Variants in SIN3B observed in about 807,000 individuals in gnomAD.
SIN3B encodes SIN3 transcription regulator family member B.
SIN3B carries 19 observed loss-of-function variants against 120.2 expected under a neutral mutation model. The ratio of observed to expected loss-of-function variants is 0.16; its 90% CI spans 0.11 to 0.23. The LOEUF is 0.23. Among genes scored for constraint, SIN3B ranks in the 10% least tolerant of loss-of-function variants. The pLI, the probability that SIN3B is intolerant of heterozygous loss-of-function variation, is 1.00. For missense variants in SIN3B, 1,073 were observed against 1,573.0 expected, an observed-to-expected ratio of 0.68 and a Z score of 5.38; for synonymous variants, 654 against 653.2, an observed-to-expected ratio of 1.00 and a Z score of -0.02.
rs765485074 is a variant in SIN3B at position 16,876,978 on chromosome 19, C to T, written c.2859+400C>T. The T allele has an allele frequency of 1.1e-4, 23 of 200,816 alleles. No homozygotes were observed. Among genetic ancestry groups the T allele is most frequent in the East Asian group, 1.3e-4 (1 of 7,464 alleles). The allele number at this position is 200,816 out of a possible 1,614,324, so 12.4% of individuals were successfully genotyped here. ...GCCCAGCTCCCAGTCACAATTTTTG[C>T]GGGGACAGATGTTTCCTGCTCACCT... On this transcript the variant is annotated intron_variant, in intron 16 of 18. Transcript: ENST00000248054. The surrounding 1 kb of genome is among the most constrained non-coding windows in gnomAD (Gnocchi z 7.1).
At chr19:16,853,215 A>G (rs1217184862) in intron 7 of SIN3B, 57 bp downstream of exon 7, 41 of 1,506,176 alleles carry the variant, frequency 2.7e-5, no homozygotes, top group Admixed American at 1.7e-4. Flanking sequence ...GGCTGGGCCA[A>G]TGCTCCCTGG....
intron 12 of SIN3B, among the ~76,000 whole-genome samples, chr19:16,868,123 C>A (rs995073158): frequency 2.0e-5 from 3 of 152,136 alleles, no homozygotes; most frequent in Admixed American, 1.3e-4. Context: ...ACATGGGGAC[C>A]CTGCTTCAGA....
intron 8 of SIN3B, 126 bp downstream of exon 8, chr19:16,854,387 G>A (rs987263307): frequency 1.3e-4 from 81 of 638,084 alleles, no homozygotes; most frequent in African/African-American, 1.0e-3. Context: ...ATTAATTGAC[G>A]TGATTGATAT....
intron 14 of SIN3B, among the ~76,000 whole-genome samples, chr19:16,873,497 G>A (rs925746975): frequency 7.3e-5 from 11 of 151,126 alleles, no homozygotes; most frequent in Non-Finnish European, 1.0e-4. Context: ...CGCAGGGGAC[G>A]CCAGGGGGCT....
At chr19:16,858,168 C>T (rs543774705) in intron 8 of SIN3B, among the ~76,000 whole-genome samples, 43 of 152,250 alleles carry the variant, frequency 2.8e-4, no homozygotes, top group African/African-American at 8.7e-4. Context: ...TGAGCCACGG[C>T]GCCCAGGCCC....
chr19:16,876,655 A>G lies in SIN3B; in HGVS notation c.2859+77A>G. The G allele has an allele frequency of 8.5e-7, 1 of 1,175,072 alleles. No homozygotes were observed. The highest frequency in any genetic ancestry group is 1.2e-6 in the Non-Finnish European group (1 of 801,354). The allele number at this position is 1,175,072 out of a possible 1,614,324, so 72.8% of individuals were successfully genotyped here. A position where few individuals can be genotyped will look rare whatever the true frequency, so the allele number is the denominator to read the frequency against. Reference sequence around the variant, plus strand: ...CAGCAGCATGGGGCTCCCACCAGCCAAGCGCAGGCCGCGCAGCATCCAGAG... The same window carrying G: ...CAGCAGCATGGGGCTCCCACCAGCCGAGCGCAGGCCGCGCAGCATCCAGAG... On this transcript the variant is annotated intron_variant, in intron 16 of 18. Transcript: ENST00000248054. This position sits in a 1 kb window ranked among gnomAD's most constrained non-coding sequence, Gnocchi z 7.1.
rs1212319094 is a variant in SIN3B, at chr19:16,863,731, T to G, written c.1318T>G (p.Phe440Val). 7 of 1,614,096 alleles carry G rather than the reference T, an allele frequency of 4.3e-6. No homozygotes were observed. The highest frequency in any genetic ancestry group is 5.1e-6 in the Non-Finnish European group (6 of 1,180,038). The change falls in exon 10 of 19, where the codon TTC becomes GTC. Residue 440 changes from phenylalanine (F) to valine (V), a missense_variant. By Grantham distance (50) the Phe-to-Val change is conservative. Transcript: ENST00000248054. ...CCCTTCCTGGTCTGAGGACTCCACG[T>G]TCGTCAGCTCCAAGAAGACACCGTA... The part of the protein sequence containing the change: ...SFPSWSEDST[F>V]VSSKKTPYEE...
chr19:16,829,606 A>G (rs1599583587), intron 1 of SIN3B, 66 bp downstream of exon 1: 2 of 1,230,790 alleles, frequency 1.6e-6, no homozygotes, highest in Admixed American at 4.1e-5. Context: ...GGCGCCCCTC[A>G]CCCAGGCCCC....
Position 16,870,389 on chromosome 19 carries a change from T to C in SIN3B, c.2422+314T>C, listed in dbSNP as rs1172366924. Among the ~76,000 whole-genome samples the C allele has an allele frequency of 8.3e-5, 4 of 48,038 alleles. No homozygotes were observed. In the East Asian group the frequency reaches 2.3e-3, roughly 28 times the overall value. The allele number at this position is 48,038 out of a possible 152,430, so 31.5% of individuals were successfully genotyped here. A position where few individuals can be genotyped will look rare whatever the true frequency, so the allele number is the denominator to read the frequency against. On this transcript the variant is annotated intron_variant, in intron 13 of 18. Transcript: ENST00000248054. The stretch of plus-strand genomic sequence containing the variant: ...GCTCCACAGTACCCTTTTTCTTTCT[T>C]TTTTTTTTTTTTTGAGATGGAGTCT...
intron 14 of SIN3B, among the ~76,000 whole-genome samples, chr19:16,874,210 G>T (rs2144628105): frequency 6.6e-6 from 1 of 152,370 alleles, no homozygotes; most frequent in South Asian, 2.1e-4. Context: ...TCCTGGGTTT[G>T]CTTTGGAACA....
chr19:16,831,559 T>A lies in SIN3B; in HGVS notation c.293T>A (p.Val98Asp). The change falls in exon 3 of 19, where the codon GTT (valine) becomes GAT (aspartate). Residue 98 changes from valine (V) to aspartate (D), a missense_variant. Coordinates refer to ENST00000248054, the MANE Select transcript of SIN3B (RefSeq NM_001297595.2). ...QLFHEHPDLI[V>D]GFNAFLPLGY... The stretch of plus-strand genomic sequence containing the variant: ...TTCCACGAGCACCCTGACCTCATTG[T>A]TGGATTCAACGCTTTTCTTCCCCTC... The A allele has an allele frequency of 1.2e-6, 2 of 1,614,074 alleles. No homozygotes were observed. Among genetic ancestry groups the A allele is most frequent in the Non-Finnish European group, 1.7e-6 (2 of 1,179,928 alleles).
intron 17 of SIN3B, 150 bp downstream of exon 17, chr19:16,877,789 G>A (rs1450567846): frequency 3.0e-6 from 2 of 665,178 alleles, no homozygotes; most frequent in Admixed American, 2.3e-5. Flanking sequence ...GCCCTTTTGA[G>A]GCTTGTGGTT....
chr19:16,831,729 G>T (rs1192908068), intron 3 of SIN3B, 82 bp downstream of exon 3: 1 of 1,245,434 alleles, frequency 8.0e-7, no homozygotes, highest in Non-Finnish European at 1.2e-6. Flanking sequence ...TGTCTCTCCT[G>T]TATCATTGCT....
rs868277419 is a variant in SIN3B at position 16,866,454 on chromosome 19, C to T, written c.1704C>T (p.Tyr568=). 1.2e-6 allele frequency: 2 copies of T among 1,613,876 alleles called. No homozygotes were observed. The highest frequency in any genetic ancestry group is 1.7e-6 in the Non-Finnish European group (2 of 1,180,008). Residue 568 remains tyrosine, a synonymous_variant, in exon 12 of 19, where the codon TAC becomes TAT. Coordinates refer to ENST00000248054, the MANE Select transcript of SIN3B (RefSeq NM_001297595.2). ...KIWREQYEKA[Y]LKSLDHQAVN... is the part of the protein sequence containing the mutation. ...GGCGGGAGCAGTATGAGAAGGCGTACCTCAAGTCCCTTGACCACCAGGCTG... is the reference window on the plus strand; with the variant it reads ...GGCGGGAGCAGTATGAGAAGGCGTATCTCAAGTCCCTTGACCACCAGGCTG...
chr19:16,853,284 C>A, intron 7 of SIN3B, 126 bp downstream of exon 7: 1 of 816,952 alleles, frequency 1.2e-6, no homozygotes, highest in Non-Finnish European at 2.0e-6. Context: ...AGGATGGATC[C>A]GGCGGGGCTG....
chr19:16,869,468 G>A lies in SIN3B; in HGVS notation c.1815G>A (p.Glu605=). 6.2e-7 allele frequency: 1 copy of A among 1,605,712 alleles called. No homozygotes were observed. The highest frequency in any genetic ancestry group is 2.2e-5 in the East Asian group (1 of 44,680). ...EIESVYDEHQ[E]QHSEGRSAPS... is the part of the protein sequence containing the mutation. ...CGCCCTTCCCCCCACAGCACCAGGA[G>A]CAGCACTCGGAGGGCCGCAGTGCCC... is the stretch of plus-strand genomic sequence containing the variant. Residue 605 remains glutamate, a synonymous_variant, in exon 13 of 19, where the codon GAG becomes GAA. Coordinates refer to ENST00000248054, the MANE Select transcript of SIN3B (RefSeq NM_001297595.2).
chr19:16,847,335 G>A (rs1234151775), intron 5 of SIN3B, among the ~76,000 whole-genome samples: 5 of 152,224 alleles, frequency 3.3e-5, no homozygotes, highest in Admixed American at 6.5e-5. Flanking sequence ...TGTACAGACA[G>A]TACCTGGATC....
Position 16,869,829 on chromosome 19 carries a change from C to G in SIN3B, c.2176C>G (p.Pro726Ala). 6.2e-7 allele frequency: 1 copy of G among 1,613,980 alleles called. No homozygotes were observed. Among genetic ancestry groups the G allele is most frequent in the African/African-American group, 1.3e-5 (1 of 75,056 alleles). The change falls in exon 13 of 19, where the codon CCC becomes GCC. Residue 726 changes from proline (P) to alanine (A), a missense_variant. Pro to Ala is a conservative substitution (Grantham distance 27). Coordinates refer to ENST00000248054, the MANE Select transcript of SIN3B (RefSeq NM_001297595.2). Reference protein sequence around the residue: ...FGDAPATEQPPLPPPAPHKPL... With the variant: ...FGDAPATEQPALPPPAPHKPL... Reference sequence around the variant, plus strand: ...GGATGCCCCGGCCACTGAGCAGCCACCCCTGCCGCCCCCAGCCCCGCACAA... The same window carrying G: ...GGATGCCCCGGCCACTGAGCAGCCAGCCCTGCCGCCCCCAGCCCCGCACAA...
chr19:16,841,483 A>G (rs1416055841), intron 3 of SIN3B, among the ~76,000 whole-genome samples: 1 of 152,064 alleles, frequency 6.6e-6, no homozygotes, highest in Non-Finnish European at 1.5e-5. Context: ...CACTTTGTAC[A>G]TTTCTCCTGA....
Sources: allele counts gnomAD v4.1 joint callset (sites outside exome capture counted in the v4.1 genomes callset), GRCh38; gene constraint gnomAD v4.1.1; non-coding constraint Gnocchi (gnomAD v3.1); transcripts MANE v1.5; gene names NCBI Gene and HGNC (gene_info 2026-07-23, HGNC 2026-07-21).